ERFE: variants seen among roughly 807,000 people sequenced by gnomAD.
The protein encoded by ERFE is complement C1q tumor necrosis factor-related protein 15.
A neutral mutation model predicts 26.6 loss-of-function variants in ERFE; 25 were observed. The observed-to-expected ratio is 0.94, with a 90% CI of 0.69 to 1.31. The LOEUF (loss-of-function observed/expected upper bound fraction) is 1.31, where lower values mean the gene tolerates loss of function less well. Among genes scored for constraint, ERFE ranks in the 40% most tolerant of loss-of-function variants. The pLI, the probability that ERFE is intolerant of heterozygous loss-of-function variation, is 0.00. For missense variants in ERFE, 447 were observed against 440.2 expected, an observed-to-expected ratio of 1.02 and a Z score of -0.14; for synonymous variants, 206 against 204.5, an observed-to-expected ratio of 1.01 and a Z score of -0.06.
chr2:238,165,467 A>G (rs1693019545), intron 6 of ERFE, 139 bp from the exon 7 acceptor site: 2 of 674,628 alleles, frequency 3.0e-6, no homozygotes, highest in Admixed American at 4.5e-5. Flanking sequence ...CTCGGTTCAG[A>G]CACCACCTCC....
chr2:238,164,171 A>G lies in ERFE; in HGVS notation c.784A>G (p.Thr262Ala). 2.8e-6 allele frequency: 4 copies of G among 1,443,150 alleles called. No individual in the cohort carries two copies. The highest frequency in any genetic ancestry group is 3.6e-6 in the Non-Finnish European group (4 of 1,104,220). The allele number at this position is 1,443,150 out of a possible 1,614,324, so 89.4% of individuals were successfully genotyped here. A position where few individuals can be genotyped will look rare whatever the true frequency, so the allele number is the denominator to read the frequency against. The change falls in exon 5 of 8, where the codon ACG becomes GCG. Residue 262 changes from threonine (T) to alanine (A), a missense_variant. Coordinates refer to ENST00000546354, the MANE Select transcript of ERFE (RefSeq NM_001291832.2). ...GGCTGGCTTCTACGCTCTCGCCGCC[A>G]CGCTGCACGTGGGTGAGGCCCGGGG... is the stretch of plus-strand genomic sequence containing the variant. ...PVAGFYALAA[T>A]LHVALGEPPR...
At chr2:238,161,243 G>A (rs1313694698) in intron 1 of ERFE, among the ~76,000 whole-genome samples, 2 of 152,214 alleles carry the variant, frequency 1.3e-5, no homozygotes, top group East Asian at 3.8e-4. Context: ...GGAGGACGGT[G>A]TGATCACTGC....
rs1693091300 is a variant in ERFE, at chr2:238,168,726, G to A, written c.*1672G>A. 2.4e-5 allele frequency: 6 copies of A among 246,550 alleles called. No individual in the cohort carries two copies. Among genetic ancestry groups the A allele is most frequent in the South Asian group, 4.6e-5 (1 of 21,970 alleles). The allele number at this position is 246,550 out of a possible 1,614,324, so 15.3% of individuals were successfully genotyped here. A position where few individuals can be genotyped will look rare whatever the true frequency, so the allele number is the denominator to read the frequency against. ...TTTGATAAGGGGGTGATGTGGCCAC[G>A]CCCTTATCTAGATTTCACTTTGTAT... is the stretch of plus-strand genomic sequence containing the variant. On this transcript the variant is annotated 3_prime_UTR_variant, in exon 8 of 8. Coordinates refer to ENST00000546354, the MANE Select transcript of ERFE (RefSeq NM_001291832.2).
intron 1 of ERFE, 148 bp from the exon 2 acceptor site, chr2:238,161,446 T>C: frequency 9.5e-7 from 1 of 1,056,266 alleles, no homozygotes; most frequent in Non-Finnish European, 1.3e-6. Flanking sequence ...TGGGGCCCCT[T>C]TGGGAGCTGC....
intron 4 of ERFE, 34 bp downstream of exon 4, chr2:238,164,033 C>A (rs767223488): frequency 1.5e-6 from 2 of 1,376,178 alleles, no homozygotes; most frequent in Non-Finnish European, 9.3e-7. Flanking sequence ...CGGGTGAGTC[C>A]GGCCGGGCGG....
intron 1 of ERFE, among the ~76,000 whole-genome samples, chr2:238,160,503 G>A (rs1692922278): frequency 6.6e-6 from 1 of 152,146 alleles, no homozygotes; most frequent in Non-Finnish European, 1.5e-5. Context: ...CAGCCAGCAG[G>A]TGGTGCAGTT....
chr2:238,166,850 C>T (rs1693044219), intron 7 of ERFE, 106 bp from the exon 8 acceptor site: 12 of 962,016 alleles, frequency 1.2e-5, no homozygotes, highest in Non-Finnish European at 1.9e-5. Flanking sequence ...GAGCCCTTCC[C>T]AAAAGCGGGG....
chr2:238,163,966 GC>G lies in ERFE; in HGVS notation c.655del (p.Arg219AlafsTer24). On this transcript the variant is annotated frameshift_variant, in exon 4 of 8. Transcript: ENST00000546354. LOFTEE classifies it high-confidence loss of function. ...TGCGCCGGGACGCGTTGGTGGAGCGGCGCGCGCTGCACGAGCTTGGCGTCTA... is the reference window on the plus strand; with the variant it reads ...TGCGCCGGGACGCGTTGGTGGAGCGGGCGCGCTGCACGAGCTTGGCGTCTA... Reference protein sequence around the residue: ...RLRRDALVERRALHELGVYYL... With the variant: ...RLRRDALVERXALHELGVYYL... 1 of 1,384,738 alleles carries G rather than the reference GC, an allele frequency of 7.2e-7. No homozygotes were observed. Among genetic ancestry groups the G allele is most frequent in the Non-Finnish European group, 9.3e-7 (1 of 1,075,826 alleles). 85.8% of individuals were successfully genotyped at this position (1,384,738 alleles called of 1,614,324 possible). A position where few individuals can be genotyped will look rare whatever the true frequency, so the allele number is the denominator to read the frequency against.
rs1388455208 is a variant in ERFE, at chr2:238,161,688, G to A, written c.293G>A (p.Arg98Lys). The change falls in exon 2 of 8, where the codon AGG (arginine) becomes AAG (lysine). Residue 98 changes from arginine (R) to lysine (K), a missense_variant. Transcript: ENST00000546354. ...GACAAGGGTGTCAATGGCAAGAAGA[G>A]GAGCAGGGGCAAGGCCAAGAAGCTG... is the stretch of plus-strand genomic sequence containing the variant. ...QSDKGVNGKKRSRGKAKKLKF... is the reference protein window; with the variant it reads ...QSDKGVNGKKKSRGKAKKLKF... 13 of 1,547,534 alleles carry A rather than the reference G, an allele frequency of 8.4e-6. No individual in the cohort carries two copies. The East Asian group carries it at 2.7e-4, about 32-fold the overall frequency.
At chr2:238,165,746 TG>T (rs1693024399) in intron 7 of ERFE, 62 bp downstream of exon 7, 1 of 1,441,192 alleles carries the variant, frequency 6.9e-7, no homozygotes, top group Admixed American at 2.0e-5. Context: ...GGTGGCTGGG[TG>T]CAGAAGGGTG....
chr2:238,164,917 C>A (rs994486014), intron 6 of ERFE, among the ~76,000 whole-genome samples: 5 of 152,172 alleles, frequency 3.3e-5, no homozygotes. Flanking sequence ...CCTTCACCTC[C>A]TCCCCAGGTC....
intron 3 of ERFE, 125 bp downstream of exon 3, chr2:238,162,963 G>A (rs1029267346): frequency 5.6e-6 from 4 of 709,890 alleles, no homozygotes; most frequent in Middle Eastern, 3.5e-4. Context: ...ACCTGCTCTG[G>A]GCTGGACTCA....
At position 238,166,936 on chromosome 2, in the gene ERFE, C is replaced by G. The variant is rs1693045627; in HGVS notation, c.967-20C>G. The G allele has an allele frequency of 5.2e-6, 8 of 1,548,320 alleles. No individual in the cohort carries two copies. Among genetic ancestry groups the G allele is most frequent in the Non-Finnish European group, 7.0e-6 (8 of 1,145,524 alleles). On this transcript the variant is annotated intron_variant, in intron 7 of 7. Coordinates refer to ENST00000546354, the MANE Select transcript of ERFE (RefSeq NM_001291832.2). ...AGGCTGTTGGGGTGGCCCAGTGCCT[C>G]AAAGGCACCCTCCTTGCAGATGGGG...
At chr2:238,161,540 G>T in intron 1 of ERFE, 54 bp from the exon 2 acceptor site, 1 of 1,482,514 alleles carries the variant, frequency 6.7e-7, no homozygotes. Flanking sequence ...TGTCCCACCT[G>T]CTTGGTAGGA....
rs1480949512 is a variant in ERFE at position 238,163,760 on chromosome 2, G to A, written c.448G>A (p.Ala150Thr). Residue 150 changes from alanine (A) to threonine (T), a missense_variant, in exon 4 of 8, where the codon GCG (alanine) becomes ACG (threonine). Coordinates refer to ENST00000546354, the MANE Select transcript of ERFE (RefSeq NM_001291832.2). ...AGGTGCGGTGCGGCAGCGGGAGCGC[G>A]CGGAGCCCGAACCCTGTACGTGTGG... ...LKGAVRQRERAEPEPCTCGPA... is the reference protein window; with the variant it reads ...LKGAVRQRERTEPEPCTCGPA... The A allele has an allele frequency of 3.0e-6, 4 of 1,353,902 alleles. No homozygotes were observed. In the South Asian group the frequency reaches 5.5e-5, roughly 18 times the overall value. The allele number at this position is 1,353,902 out of a possible 1,614,324, so 83.9% of individuals were successfully genotyped here.
chr2:238,162,896 G>C, intron 3 of ERFE, 58 bp downstream of exon 3: 1 of 1,396,118 alleles, frequency 7.2e-7, no homozygotes. Context: ...GCCTGGGAGG[G>C]TGTCCCGAGG....
At chr2:238,161,996 G>T (rs1189981268) in intron 2 of ERFE, among the ~76,000 whole-genome samples, 1 of 152,230 alleles carries the variant, frequency 6.6e-6, no homozygotes, top group Non-Finnish European at 1.5e-5. Flanking sequence ...GCTGTGGTGA[G>T]AACCTTGTCC....
At chr2:238,166,200 C>A (rs1693033002) in intron 7 of ERFE, among the ~76,000 whole-genome samples, 1 of 152,208 alleles carries the variant, frequency 6.6e-6, no homozygotes, top group African/African-American at 2.4e-5. Context: ...AATTTACTAA[C>A]AAAGAAAACA....
At position 238,167,646 on chromosome 2, in the gene ERFE, A is replaced by C. The variant is rs1693066689; in HGVS notation, c.*592A>C. On this transcript the variant is annotated 3_prime_UTR_variant, in exon 8 of 8. Coordinates refer to ENST00000546354, the MANE Select transcript of ERFE (RefSeq NM_001291832.2). ...GTTCTACCTGCCAGTGGAGCTGAGCACTGCCTAGCCTGGGCCAGAGGGGCA... is the reference window on the plus strand; with the variant it reads ...GTTCTACCTGCCAGTGGAGCTGAGCCCTGCCTAGCCTGGGCCAGAGGGGCA... 5.6e-6 allele frequency: 2 copies of C among 359,020 alleles called. No individual in the cohort carries two copies. Among genetic ancestry groups the C allele is most frequent in the Non-Finnish European group, 1.1e-5 (2 of 181,046 alleles). 22.2% of individuals were successfully genotyped at this position (359,020 alleles called of 1,614,324 possible). A position where few individuals can be genotyped will look rare whatever the true frequency, so the allele number is the denominator to read the frequency against.
Sources: gnomAD v4.1 joint callset for allele counts (sites outside exome capture counted in the v4.1 genomes callset) on GRCh38, gnomAD v4.1.1 for gene constraint, MANE v1.5 for transcripts, NCBI Gene and HGNC (gene_info 2026-07-23, HGNC 2026-07-21) for gene names.